Variants in NTRK3 observed in about 807,000 individuals in gnomAD.
The protein encoded by NTRK3 is NT-3 growth factor receptor.
NTRK3 carries 24 observed loss-of-function variants against 91.7 expected under a neutral mutation model. That is an observed-to-expected ratio of 0.26 (90% CI 0.19 to 0.37). NTRK3 has a LOEUF of 0.37. Among genes scored for constraint, NTRK3 ranks in the 10% least tolerant of loss-of-function variants. NTRK3 has a pLI of 1.00. For synonymous variants in NTRK3, 483 were observed against 404.0 expected (o/e 1.20, Z -2.34); for missense variants, 880 against 1,068.9 (o/e 0.82, Z 2.46).
At chr15:88,027,817 G>A (rs947997617) in intron 14 of NTRK3, among the ~76,000 whole-genome samples, 3 of 152,090 alleles carry the variant, frequency 2.0e-5, no homozygotes, top group Admixed American at 2.0e-4. Flanking sequence ...ACTCAAAGTC[G>A]GGTTTGGGAA....
At chr15:88,050,259 T>C (rs966770256) in intron 13 of NTRK3, among the ~76,000 whole-genome samples, 3 of 152,116 alleles carry the variant, frequency 2.0e-5, no homozygotes, top group Non-Finnish European at 4.4e-5. Flanking sequence ...AACTAGACTT[T>C]TACAGGTGGG....
intron 13 of NTRK3, among the ~76,000 whole-genome samples, chr15:88,108,854 C>T (rs565288935): frequency 6.6e-6 from 1 of 152,314 alleles, no homozygotes; most frequent in Non-Finnish European, 1.5e-5. Flanking sequence ...ACCTATCAAA[C>T]CAGAATCTGC....
intron 13 of NTRK3, among the ~76,000 whole-genome samples, chr15:88,074,850 T>G (rs367659331): frequency 3.8e-4 from 58 of 152,246 alleles, no homozygotes; most frequent in African/African-American, 1.2e-3. Flanking sequence ...GTGCCAGAGC[T>G]CTCAGAACCT....
intron 13 of NTRK3, among the ~76,000 whole-genome samples, chr15:88,115,825 C>G (rs1316340385): frequency 6.6e-6 from 1 of 152,148 alleles, no homozygotes; most frequent in East Asian, 1.9e-4. Flanking sequence ...CGGCGGGCAG[C>G]CCGGGCAGCC....
chr15:88,214,422 C>T lies in NTRK3; in HGVS notation c.249-30123G>A, dbSNP rs148570364. On this transcript the variant is annotated intron_variant, in intron 3 of 18. Coordinates refer to ENST00000394480, the Ensembl canonical transcript of NTRK3. ...TCTGCGTGTGGCTGGGTCCACATGT[C>T]GAATTCTTATAAGAACACCAGTCAC... is the stretch of plus-strand genomic sequence containing the variant. Among the ~76,000 whole-genome samples the T allele has an allele frequency of 2.0e-3, 310 of 152,216 alleles. 3 individuals carry two copies. Among genetic ancestry groups the T allele is most frequent in the African/African-American group, 6.9e-3 (285 of 41,530 alleles).
At chr15:88,153,898 T>C (rs1445115127) in intron 5 of NTRK3, among the ~76,000 whole-genome samples, 1 of 151,950 alleles carries the variant, frequency 6.6e-6, no homozygotes, top group Non-Finnish European at 1.5e-5. Context: ...AGGGGAGGAC[T>C]TCGATATACG....
intron 5 of NTRK3, among the ~76,000 whole-genome samples, chr15:88,157,332 G>A (rs1282565254): frequency 6.6e-6 from 1 of 151,894 alleles, no homozygotes; most frequent in Non-Finnish European, 1.5e-5. Flanking sequence ...GAAACACACT[G>A]AGAACTCTTC....
At chr15:88,032,188 A>T (rs2078599710) in intron 14 of NTRK3, among the ~76,000 whole-genome samples, 1 of 152,052 alleles carries the variant, frequency 6.6e-6, no homozygotes, top group African/African-American at 2.4e-5. Flanking sequence ...CAGACAAGTC[A>T]TTGAGGCTCC....
intron 14 of NTRK3, chr15:87,981,452 T>G: frequency 1.3e-6 from 2 of 1,574,892 alleles, no homozygotes; most frequent in Non-Finnish European, 1.7e-6. Flanking sequence ...AAGTGCACAA[T>G]GCCAGAAACA....
chr15:87,930,176 T>G (rs1462234996), intron 16 of NTRK3, among the ~76,000 whole-genome samples: 1 of 152,152 alleles, frequency 6.6e-6, no homozygotes, highest in African/African-American at 2.4e-5. Context: ...CAGTGCACAG[T>G]GGAGAGAGCC....
chr15:88,199,603 A>G (rs1468981426), intron 3 of NTRK3, among the ~76,000 whole-genome samples: 1 of 152,226 alleles, frequency 6.6e-6, no homozygotes, highest in Non-Finnish European at 1.5e-5. Flanking sequence ...GGGGAATGCA[A>G]CAAAGACTCT....
chr15:87,877,009 T>A, exon 19 of NTRK3: 1 of 1,613,324 alleles, frequency 6.2e-7, no homozygotes, highest in Non-Finnish European at 8.5e-7. Flanking sequence ...TCCTTGATGT[T>A]CAACCGCTGC....
chr15:87,899,215 G>A (rs531476021), intron 17 of NTRK3, among the ~76,000 whole-genome samples: 2 of 152,296 alleles, frequency 1.3e-5, no homozygotes, highest in South Asian at 2.1e-4. Flanking sequence ...AGGTAGATGG[G>A]CATAATTAGT....
At chr15:88,071,331 A>G (rs1488367313) in intron 13 of NTRK3, among the ~76,000 whole-genome samples, 1 of 152,260 alleles carries the variant, frequency 6.6e-6, no homozygotes, top group African/African-American at 2.4e-5. Flanking sequence ...CCTGAGCACA[A>G]GCTGCAGGTG....
chr15:87,877,012 A>G (rs78821883), exon 19 of NTRK3: 4 of 1,613,028 alleles, frequency 2.5e-6, no homozygotes, highest in Non-Finnish European at 3.4e-6. Flanking sequence ...TTGATGTTCA[A>G]CCGCTGCTGT....
In NTRK3 at chr15:88,197,094, C is replaced by CAAAAA. The variant is rs59553739; in HGVS notation, c.249-12800_249-12796dup. 8.5e-3 allele frequency among the ~76,000 whole-genome samples: 483 copies of CAAAAA among 56,556 alleles called. 78 individuals are homozygous for CAAAAA. The highest frequency in any genetic ancestry group is 9.1e-3 in the African/African-American group (188 of 20,656). The allele number at this position is 56,556 out of a possible 152,430, so 37.1% of individuals were successfully genotyped here. On this transcript the variant is annotated intron_variant, in intron 3 of 18. Coordinates refer to ENST00000394480, the Ensembl canonical transcript of NTRK3. ...AGAAGAGGTCTATGGTTGAGCAGGA[C>CAAAAA]AAAAAAAAAAAAAAAAAAAAAAAAA...
At chr15:88,088,758 G>A (rs1164625268) in intron 13 of NTRK3, among the ~76,000 whole-genome samples, 2 of 152,134 alleles carry the variant, frequency 1.3e-5, no homozygotes, top group South Asian at 2.1e-4. Flanking sequence ...CAAGGGACTA[G>A]TGGGCATAGT....
exon 19 of NTRK3, chr15:87,862,906 C>A (rs2064564501): frequency 4.3e-6 from 1 of 230,866 alleles, no homozygotes; most frequent in Non-Finnish European, 8.6e-6. Context: ...CCCCAAACTT[C>A]ATAGCTTCTG....
At chr15:88,128,660 C>T (rs543232369) in intron 11 of NTRK3, 51 bp downstream of exon 11, 26 of 1,587,228 alleles carry the variant, frequency 1.6e-5, no homozygotes, top group Non-Finnish European at 2.2e-5. Context: ...CAATAGTTAC[C>T]GATAGTATCA....
Sources: allele counts gnomAD v4.1 joint callset (sites outside exome capture counted in the v4.1 genomes callset), GRCh38; gene constraint gnomAD v4.1.1; transcripts MANE v1.5; gene names NCBI Gene and HGNC (gene_info 2026-07-23, HGNC 2026-07-21).